TMIGD1: variants seen among roughly 807,000 people sequenced by gnomAD.
The protein encoded by TMIGD1 is transmembrane and immunoglobulin domain-containing protein 1.
Under a neutral mutation model 27.5 loss-of-function variants are expected in TMIGD1, and 29 were observed. That is an observed-to-expected ratio of 1.05 (90% CI 0.78 to 1.44). TMIGD1 has a LOEUF of 1.44. Among genes scored for constraint, TMIGD1 ranks in the 40% most tolerant of loss-of-function variants. The pLI is 0.00. For synonymous variants in TMIGD1, 109 were observed against 110.3 expected (o/e 0.99, Z 0.07); for missense variants, 334 against 310.6 (o/e 1.08, Z -0.57).
At position 30,316,699 on chromosome 17, in the gene TMIGD1, A is replaced by C; in HGVS notation, c.786-9T>G. ...CATCTCAGCTTTCTCATCTGAAATGAATGAAGAAATTAATAATAATGATGC... is the reference window on the plus strand; with the variant it reads ...CATCTCAGCTTTCTCATCTGAAATGCATGAAGAAATTAATAATAATGATGC... On this transcript the variant is annotated splice_polypyrimidine_tract_variant and intron_variant, in intron 6 of 6. Transcript: ENST00000328886. 1 of 1,612,780 alleles carries C rather than the reference A, an allele frequency of 6.2e-7. No homozygotes were observed. The highest frequency in any genetic ancestry group is 8.5e-7 in the Non-Finnish European group (1 of 1,179,374).
At chr17:30,322,744 C>T (rs1375452854) in intron 4 of TMIGD1, among the ~76,000 whole-genome samples, 2 of 152,334 alleles carry the variant, frequency 1.3e-5, no homozygotes, top group East Asian at 3.9e-4. Context: ...TCCTGATCCA[C>T]CCGCCTCGGC....
At chr17:30,316,986 C>A in intron 6 of TMIGD1, 1 of 644,926 alleles carries the variant, frequency 1.6e-6, no homozygotes. Context: ...AGGGAGCAGG[C>A]TTAGGACTAA....
intron 4 of TMIGD1, among the ~76,000 whole-genome samples, chr17:30,319,975 A>C (rs1195124725): frequency 6.6e-6 from 1 of 152,256 alleles, no homozygotes; most frequent in East Asian, 1.9e-4. Context: ...GATCAGCAGC[A>C]ACCATGACAG....
chr17:30,324,719 C>G, intron 4 of TMIGD1, 97 bp downstream of exon 4: 1 of 1,411,514 alleles, frequency 7.1e-7, no homozygotes, highest in South Asian at 1.4e-5. Flanking sequence ...TGGCCCTAAT[C>G]ATAACCGTTA....
intron 1 of TMIGD1, among the ~76,000 whole-genome samples, chr17:30,333,562 C>T: frequency 6.6e-6 from 1 of 152,124 alleles, no homozygotes. Flanking sequence ...TGAAATATAC[C>T]TATACCTACT....
At chr17:30,325,348 T>C (rs1909743376) in intron 3 of TMIGD1, among the ~76,000 whole-genome samples, 1 of 152,202 alleles carries the variant, frequency 6.6e-6, no homozygotes, top group South Asian at 2.1e-4. Context: ...ATATATATAG[T>C]AATGATCTAT....
intron 3 of TMIGD1, among the ~76,000 whole-genome samples, chr17:30,325,328 T>C (rs1909742445): frequency 6.6e-6 from 1 of 152,170 alleles, no homozygotes; most frequent in Non-Finnish European, 1.5e-5. Context: ...AATATATGAT[T>C]ATGAGCATGA....
At chr17:30,321,088 C>T (rs561290464) in intron 4 of TMIGD1, among the ~76,000 whole-genome samples, 32 of 152,050 alleles carry the variant, frequency 2.1e-4, no homozygotes, top group Non-Finnish European at 3.2e-4. Flanking sequence ...GAACTCCTGA[C>T]ATTAAGTGAT....
At chr17:30,317,617 AG>A (rs1909458564) in intron 5 of TMIGD1, among the ~76,000 whole-genome samples, 1 of 151,996 alleles carries the variant, frequency 6.6e-6, no homozygotes, top group Non-Finnish European at 1.5e-5. Context: ...AAAAACAGCC[AG>A]GCATGGTGCC....
At chr17:30,318,562 A>G (rs1016971361) in intron 5 of TMIGD1, among the ~76,000 whole-genome samples, 2 of 152,102 alleles carry the variant, frequency 1.3e-5, no homozygotes, top group African/African-American at 4.8e-5. Context: ...CCAATTGCCT[A>G]CCCCTGGCAA....
chr17:30,332,096 C>T lies in TMIGD1; in HGVS notation c.38G>A (p.Arg13Lys), dbSNP rs771202465. 26 of 1,613,524 alleles carry T rather than the reference C, an allele frequency of 1.6e-5. No homozygotes were observed. The highest frequency in any genetic ancestry group is 2.0e-5 in the Non-Finnish European group (24 of 1,179,752). ...WKSSVIMQMG[R>K]FLLLVILFLP... Reference sequence around the variant, plus strand: ...AAATAAAATTACTAAGAGAAGAAATCTTCCCATTTGCATTATGACACTGCT... The same window carrying T: ...AAATAAAATTACTAAGAGAAGAAATTTTCCCATTTGCATTATGACACTGCT... Residue 13 changes from arginine (R) to lysine (K), a missense_variant, in exon 2 of 7, where the codon AGA becomes AAA. By Grantham distance (26) the Arg-to-Lys change is conservative (BLOSUM62 2). Coordinates refer to ENST00000328886, the MANE Select transcript of TMIGD1 (RefSeq NM_206832.3).
intron 4 of TMIGD1, among the ~76,000 whole-genome samples, chr17:30,322,231 G>A (rs1028675125): frequency 1.3e-5 from 2 of 152,088 alleles, no homozygotes; most frequent in African/African-American, 4.8e-5. Flanking sequence ...TCTCATGAAG[G>A]TATGGGTCAT....
At chr17:30,331,064 G>A (rs1029878027) in intron 2 of TMIGD1, among the ~76,000 whole-genome samples, 1 of 151,966 alleles carries the variant, frequency 6.6e-6, no homozygotes, top group Non-Finnish European at 1.5e-5. Flanking sequence ...GCATGGTGGC[G>A]GGCTCCTGTA....
chr17:30,333,963 C>T (rs1910066573), intron 1 of TMIGD1, 37 bp downstream of exon 1: 1 of 152,294 alleles, frequency 6.6e-6, no homozygotes, highest in African/African-American at 2.4e-5. Context: ...ATCTGTATGA[C>T]TCTCTACTTT....
intron 5 of TMIGD1, among the ~76,000 whole-genome samples, chr17:30,317,540 T>C (rs769802058): frequency 6.6e-6 from 1 of 151,990 alleles, no homozygotes; most frequent in Non-Finnish European, 1.5e-5. Context: ...AGATGGATCA[T>C]TTGAGGTCAG....
chr17:30,323,165 G>A (rs773680109), intron 4 of TMIGD1, among the ~76,000 whole-genome samples: 22 of 151,884 alleles, frequency 1.4e-4, no homozygotes, highest in Admixed American at 5.9e-4. Flanking sequence ...GCGAGACCCT[G>A]TCTCCAAAAA....
At chr17:30,329,028 GAA>G (rs71138881) in intron 3 of TMIGD1, among the ~76,000 whole-genome samples, 4 of 148,798 alleles carry the variant, frequency 2.7e-5, no homozygotes, top group African/African-American at 9.9e-5. Flanking sequence ...AAAGAGAAAA[GAA>G]AAAAAAGAAA....
chr17:30,323,763 A>G (rs1597682169), intron 4 of TMIGD1, among the ~76,000 whole-genome samples: 1 of 151,654 alleles, frequency 6.6e-6, no homozygotes, highest in East Asian at 1.9e-4. Flanking sequence ...GAGGTAAATA[A>G]CCACAAAGCT....
At chr17:30,321,607 T>C (rs1351985324) in intron 4 of TMIGD1, among the ~76,000 whole-genome samples, 1 of 152,202 alleles carries the variant, frequency 6.6e-6, no homozygotes, top group Non-Finnish European at 1.5e-5. Context: ...GAGCTCATCT[T>C]CTAGTGAGGG....
Sources: gnomAD v4.1 joint callset for allele counts (sites outside exome capture counted in the v4.1 genomes callset) on GRCh38, gnomAD v4.1.1 for gene constraint, MANE v1.5 for transcripts, NCBI Gene and HGNC (gene_info 2026-07-23, HGNC 2026-07-21) for gene names.